PDE4D: variants seen among roughly 807,000 people sequenced by gnomAD.
PDE4D encodes phosphodiesterase 4D.
In PDE4D, 24 loss-of-function variants were observed where a neutral mutation model predicts 87.4. The observed-to-expected ratio is 0.27, with a 90% CI of 0.20 to 0.39. The LOEUF (loss-of-function observed/expected upper bound fraction) is 0.39. PDE4D is among the 10% of genes least tolerant of loss of function. PDE4D has a pLI of 1.00. For missense variants in PDE4D, 714 were observed against 1,041.0 expected (o/e 0.69, Z 4.32); for synonymous variants, 384 against 383.2 (o/e 1.00, Z -0.02).
rs146840221 is a variant in PDE4D at position 59,269,482 on chromosome 5, T to A, written c.456-53514A>T. Among the ~76,000 whole-genome samples, 568 of 152,278 alleles carry A rather than the reference T, an allele frequency of 3.7e-3. 5 individuals carry two copies. Among genetic ancestry groups the A allele is most frequent in the African/African-American group, 0.013 (546 of 41,580 alleles). Reference sequence around the variant, plus strand: ...TATAAGGCAGAGGTATTTGAACTGCTACATTACCTACGAGTTTATCCCAAT... The same window carrying A: ...TATAAGGCAGAGGTATTTGAACTGCAACATTACCTACGAGTTTATCCCAAT... On this transcript the variant is annotated intron_variant, in intron 1 of 14. Coordinates refer to ENST00000340635, the MANE Select transcript of PDE4D (RefSeq NM_001104631.2).
intron 1 of PDE4D, among the ~76,000 whole-genome samples, chr5:59,341,631 C>A (rs1036733224): frequency 1.3e-5 from 2 of 152,236 alleles, no homozygotes; most frequent in Middle Eastern, 3.4e-3. Flanking sequence ...AATGCGTATG[C>A]AAACACACAC....
chr5:59,891,457 G>A (rs1006078665), intron 1 of PDE4D, among the ~76,000 whole-genome samples: 3 of 152,044 alleles, frequency 2.0e-5, no homozygotes, highest in African/African-American at 7.3e-5. Context: ...CTATCATTGG[G>A]GTCCTACATA....
intron 1 of PDE4D, among the ~76,000 whole-genome samples, chr5:60,514,990 G>T (rs1009996531): frequency 4.6e-5 from 7 of 152,060 alleles, no homozygotes; most frequent in African/African-American, 1.7e-4. Context: ...AAGTTTGCTG[G>T]ATAGAAAAAT....
At chr5:59,103,242 G>A (rs1009398835) in intron 5 of PDE4D, among the ~76,000 whole-genome samples, 1 of 152,154 alleles carries the variant, frequency 6.6e-6, no homozygotes, top group Non-Finnish European at 1.5e-5. Context: ...CTAAAGGTCA[G>A]TCTTTGAAAT....
At chr5:59,328,527 G>A (rs1482326763) in intron 1 of PDE4D, among the ~76,000 whole-genome samples, 4 of 152,128 alleles carry the variant, frequency 2.6e-5, no homozygotes, top group Non-Finnish European at 5.9e-5. Context: ...TATGTTGGGA[G>A]AACAAAGAAA....
chr5:59,047,962 C>A (rs1178250642), intron 5 of PDE4D, among the ~76,000 whole-genome samples: 1 of 152,160 alleles, frequency 6.6e-6, no homozygotes, highest in Non-Finnish European at 1.5e-5. Flanking sequence ...TTCCAGCTCC[C>A]AGAACTGTGA....
intron 1 of PDE4D, among the ~76,000 whole-genome samples, chr5:60,401,959 T>G (rs574044938): frequency 2.0e-5 from 3 of 152,128 alleles, no homozygotes; most frequent in Admixed American, 2.0e-4. Flanking sequence ...AAAATCTAAA[T>G]GTGAATACCC....
intron 1 of PDE4D, among the ~76,000 whole-genome samples, chr5:59,429,150 T>C (rs1398470718): frequency 2.6e-5 from 4 of 152,200 alleles, no homozygotes; most frequent in Non-Finnish European, 4.4e-5. Flanking sequence ...TAGATATTCA[T>C]GTGGATTTTG....
chr5:59,861,347 C>T (rs1306044570), intron 1 of PDE4D, among the ~76,000 whole-genome samples: 1 of 152,040 alleles, frequency 6.6e-6, no homozygotes, highest in African/African-American at 2.4e-5. Flanking sequence ...TTCAGCAAAG[C>T]CTAACAAAGC....
chr5:59,793,268 T>G (rs1055086504), intron 1 of PDE4D, among the ~76,000 whole-genome samples: 1 of 152,224 alleles, frequency 6.6e-6, no homozygotes, highest in African/African-American at 2.4e-5. Context: ...GATGAAATAT[T>G]GACTCTGGAA....
At chr5:60,146,968 A>T (rs1200035175) in intron 2 of PDE4D, among the ~76,000 whole-genome samples, 1 of 152,132 alleles carries the variant, frequency 6.6e-6, no homozygotes, top group Non-Finnish European at 1.5e-5. Context: ...AAAAGATAAT[A>T]AATATTGGGG....
intron 1 of PDE4D, among the ~76,000 whole-genome samples, chr5:59,223,362 T>C (rs1172219257): frequency 6.6e-6 from 1 of 152,092 alleles, no homozygotes; most frequent in Non-Finnish European, 1.5e-5. Flanking sequence ...AGGGTGTAGC[T>C]TGGGGACCTC....
chr5:59,390,554 C>T (rs958736780), intron 1 of PDE4D, among the ~76,000 whole-genome samples: 1 of 152,094 alleles, frequency 6.6e-6, no homozygotes. Flanking sequence ...AAGAGCAAAT[C>T]AGGGTTACTA....
chr5:59,693,940 T>C (rs944314149), intron 1 of PDE4D, among the ~76,000 whole-genome samples: 3 of 152,028 alleles, frequency 2.0e-5, no homozygotes, highest in African/African-American at 7.2e-5. Context: ...AAATAAGACA[T>C]CAAAGGTTGA....
chr5:59,417,714 T>C lies in PDE4D; in HGVS notation c.456-201746A>G, dbSNP rs576290504. Among the ~76,000 whole-genome samples, 15 of 152,296 alleles carry C rather than the reference T, an allele frequency of 9.8e-5. No individual in the cohort carries two copies. In the South Asian group the frequency reaches 3.1e-3, roughly 32 times the overall value. ...ACAATTCCAAAATTATGTAGTTCTA[T>C]CCACAGCCAACAAATCTCTAACAAT... On this transcript the variant is annotated intron_variant, in intron 1 of 14. Transcript: ENST00000340635.
At chr5:59,910,122 T>C (rs575010566) in intron 3 of PDE4D, among the ~76,000 whole-genome samples, 2 of 152,300 alleles carry the variant, frequency 1.3e-5, no homozygotes, top group Admixed American at 1.3e-4. Context: ...TTATTGTTGC[T>C]ATTATTCATA....
At chr5:59,073,514 G>GGA (rs1214591477) in intron 5 of PDE4D, among the ~76,000 whole-genome samples, 2 of 135,456 alleles carry the variant, frequency 1.5e-5, no homozygotes, top group African/African-American at 5.3e-5. Context: ...GGGCGGGGGG[G>GGA]GCGGGTGGTT....
chr5:59,905,166 A>G (rs1042749905), intron 3 of PDE4D, among the ~76,000 whole-genome samples: 3 of 152,156 alleles, frequency 2.0e-5, no homozygotes, highest in Admixed American at 1.3e-4. Context: ...TAATATTACC[A>G]AGGCTGAGTA....
chr5:59,006,816 T>C (rs1019017841), intron 6 of PDE4D, among the ~76,000 whole-genome samples: 1 of 152,152 alleles, frequency 6.6e-6, no homozygotes, highest in African/African-American at 2.4e-5. Flanking sequence ...GCTGTCATTA[T>C]TGACTTTGTA....
Sources: allele counts gnomAD v4.1 joint callset (sites outside exome capture counted in the v4.1 genomes callset), GRCh38; gene constraint gnomAD v4.1.1; transcripts MANE v1.5; gene names NCBI Gene and HGNC (gene_info 2026-07-23, HGNC 2026-07-21).